The following TRIO variants were observed in gnomAD, a reference collection of about 807,000 sequenced individuals.
The protein encoded by TRIO is trio Rho guanine nucleotide exchange factor, also known as triple functional domain protein.
TRIO carries 58 observed loss-of-function variants against 351.9 expected under a neutral mutation model. The observed-to-expected ratio is 0.16, with a 90% confidence interval of 0.13 to 0.21. TRIO has a LOEUF of 0.21. Ranked by LOEUF, TRIO falls within the 10% of genes least tolerant of loss-of-function variation. The probability of loss-of-function intolerance (pLI) is 1.00; values close to 1 mark genes in which losing one functional copy is unlikely to be tolerated. For synonymous variants in TRIO, 1,758 were observed against 1,595.7 expected (o/e 1.10, Z -2.42); for missense variants, 3,201 against 4,027.8 (o/e 0.79, Z 5.56).
chr5:14,258,793 G>A (rs951493744), intron 1 of TRIO, among the ~76,000 whole-genome samples: 2 of 152,200 alleles, frequency 1.3e-5, no homozygotes, highest in African/African-American at 4.8e-5. Context: ...TGGCCCAGGG[G>A]GATAATGAGT....
intron 33 of TRIO, among the ~76,000 whole-genome samples, chr5:14,416,724 G>C (rs567553202): frequency 2.0e-5 from 3 of 152,022 alleles, no homozygotes; most frequent in Non-Finnish European, 4.4e-5. Context: ...CTCCTTCTTC[G>C]GCAGCCCCTC....
chr5:14,402,879 G>T (rs1401200546), intron 31 of TRIO, among the ~76,000 whole-genome samples: 1 of 152,118 alleles, frequency 6.6e-6, no homozygotes, highest in East Asian at 1.9e-4. Flanking sequence ...TGTAGATGGT[G>T]GTGAGGGTTT....
intron 1 of TRIO, among the ~76,000 whole-genome samples, chr5:14,175,336 T>TAGAA (rs550176456): frequency 2.7e-4 from 41 of 152,352 alleles, no homozygotes; most frequent in Non-Finnish European, 5.1e-4. Context: ...TAAAAGGCGT[T>TAGAA]TTCTAATTCC....
chr5:14,307,250 T>C (rs1430701257), intron 8 of TRIO, among the ~76,000 whole-genome samples: 1 of 152,170 alleles, frequency 6.6e-6, no homozygotes, highest in Non-Finnish European at 1.5e-5. Context: ...GCACCATTGA[T>C]ACAACATGAC....
At chr5:14,179,597 C>T (rs1789625545) in intron 1 of TRIO, among the ~76,000 whole-genome samples, 1 of 150,150 alleles carries the variant, frequency 6.7e-6, no homozygotes, top group South Asian at 2.1e-4. Flanking sequence ...TCACGAAGCC[C>T]AGCTCAGTTT....
chr5:14,282,064 T>G (rs1363815053), intron 3 of TRIO, among the ~76,000 whole-genome samples: 1 of 152,184 alleles, frequency 6.6e-6, no homozygotes, highest in Non-Finnish European at 1.5e-5. Context: ...GTTCTTGGGT[T>G]TTCTGTCAGA....
At chr5:14,213,359 T>G (rs1183418019) in intron 1 of TRIO, among the ~76,000 whole-genome samples, 1 of 149,198 alleles carries the variant, frequency 6.7e-6, no homozygotes, top group African/African-American at 2.4e-5. Flanking sequence ...TATATAAAAT[T>G]ATTTATAATA....
At chr5:14,404,501 C>A (rs1038372091) in intron 31 of TRIO, among the ~76,000 whole-genome samples, 3 of 152,192 alleles carry the variant, frequency 2.0e-5, no homozygotes, top group African/African-American at 7.2e-5. Flanking sequence ...CAGTTTTCCT[C>A]AGTTGTTTCC....
intron 3 of TRIO, among the ~76,000 whole-genome samples, chr5:14,281,522 G>A (rs1736007305): frequency 6.7e-6 from 1 of 149,370 alleles, no homozygotes; most frequent in Non-Finnish European, 1.5e-5. Flanking sequence ...GGGACACAGA[G>A]CCAGATCACA....
chr5:14,326,533 G>A (rs1740402931), intron 9 of TRIO, among the ~76,000 whole-genome samples: 1 of 152,220 alleles, frequency 6.6e-6, no homozygotes, highest in South Asian at 2.1e-4. Context: ...GAGGAAGGTG[G>A]TGGTGGTCTC....
intron 41 of TRIO, among the ~76,000 whole-genome samples, chr5:14,478,093 T>TA (rs35932957): frequency 3.9e-5 from 6 of 152,076 alleles, no homozygotes; most frequent in Admixed American, 6.6e-5. Context: ...TGGTGGTCCA[T>TA]AAAAAAAAGT....
intron 1 of TRIO, among the ~76,000 whole-genome samples, chr5:14,166,669 C>A (rs1788781293): frequency 1.3e-5 from 2 of 152,246 alleles, no homozygotes; most frequent in South Asian, 4.2e-4. Context: ...CTTGCTGCAT[C>A]CCCAAGTCCA....
At chr5:14,296,184 C>G (rs1737347042) in intron 6 of TRIO, among the ~76,000 whole-genome samples, 1 of 151,776 alleles carries the variant, frequency 6.6e-6, no homozygotes, top group Non-Finnish European at 1.5e-5. Flanking sequence ...CAGATTGGGG[C>G]AACGTTGAGA....
chr5:14,151,822 A>G (rs1231386297), intron 1 of TRIO, among the ~76,000 whole-genome samples: 2 of 152,212 alleles, frequency 1.3e-5, no homozygotes, highest in African/African-American at 4.8e-5. Flanking sequence ...TGGCATTTGC[A>G]TTCTGAAAGT....
chr5:14,351,210 A>G (rs1043073241), intron 11 of TRIO, among the ~76,000 whole-genome samples: 21 of 152,014 alleles, frequency 1.4e-4, no homozygotes, highest in Middle Eastern at 6.8e-3. Context: ...CCCGGACTCT[A>G]CTCTTTCTTA....
At chr5:14,234,238 A>G (rs1793640761) in intron 1 of TRIO, among the ~76,000 whole-genome samples, 1 of 152,232 alleles carries the variant, frequency 6.6e-6, no homozygotes, top group Admixed American at 6.5e-5. Flanking sequence ...GGTAGAATGA[A>G]TGGCAGAGGA....
At chr5:14,153,095 A>G (rs1030802764) in intron 1 of TRIO, among the ~76,000 whole-genome samples, 2 of 152,214 alleles carry the variant, frequency 1.3e-5, no homozygotes, top group African/African-American at 4.8e-5. Context: ...CACTGAACCA[A>G]AGAGCTGGAA....
Position 14,143,830 on chromosome 5 carries a change from G to A in TRIO, c.105G>A (p.Gly35=). ...GSGCGGGAGE[G]AEEAAKDLAD... is the part of the protein sequence containing the mutation. ...GCTGCGGGGGCGGTGCCGGCGAGGG[G>A]GCAGAGGAGGCGGCCAAGGACCTGG... is the stretch of plus-strand genomic sequence containing the variant. Residue 35 remains glycine, a synonymous_variant, in exon 1 of 57, where the codon GGG becomes GGA. Transcript: ENST00000344204. 9.4e-7 allele frequency: 1 copy of A among 1,069,488 alleles called. No individual in the cohort carries two copies. Among genetic ancestry groups the A allele is most frequent in the Non-Finnish European group, 1.1e-6 (1 of 885,788 alleles). 66.2% of individuals were successfully genotyped at this position (1,069,488 alleles called of 1,614,324 possible).
At chr5:14,478,525 C>T (rs773571543) in intron 41 of TRIO, among the ~76,000 whole-genome samples, 7 of 152,012 alleles carry the variant, frequency 4.6e-5, no homozygotes, top group Non-Finnish European at 8.8e-5. Context: ...TGGAAAGGCT[C>T]ATTGTCTACA....
Sources: allele counts gnomAD v4.1 joint callset (sites outside exome capture counted in the v4.1 genomes callset), GRCh38; gene constraint gnomAD v4.1.1; transcripts MANE v1.5; gene names NCBI Gene and HGNC (gene_info 2026-07-23, HGNC 2026-07-21).